SUSD4: variants seen among roughly 807,000 people sequenced by gnomAD.
The protein encoded by SUSD4 is sushi domain containing 4, also known as sushi domain-containing protein 4.
In SUSD4, 41 loss-of-function variants were observed where a neutral mutation model predicts 50.5. The observed-to-expected ratio is 0.81, with a 90% CI of 0.63 to 1.05. The LOEUF is 1.05. Ranked by LOEUF, SUSD4 falls within the 50% of genes least tolerant of loss-of-function variation. SUSD4 has a pLI of 0.00. For synonymous variants in SUSD4, 257 were observed against 257.3 expected (o/e 1.00, Z 0.01); for missense variants, 580 against 634.7 (o/e 0.91, Z 0.93).
In SUSD4 at chr1:223,232,163, G is replaced by A. The variant is rs370031810; in HGVS notation, c.725-2775C>T. 5.3e-5 allele frequency among the ~76,000 whole-genome samples: 8 copies of A among 152,144 alleles called. No homozygotes were observed. In the East Asian group the frequency reaches 9.7e-4, roughly 18 times the overall value. ...GAGCAGAACAGTGGTTACCAGGGTT[G>A]GGGAGGTAGAGGGAATCAGAAGATG... On this transcript the variant is annotated intron_variant, in intron 5 of 8. Transcript: ENST00000366878.
intron 2 of SUSD4, among the ~76,000 whole-genome samples, chr1:223,349,101 T>C (rs769645664): frequency 1.3e-5 from 2 of 152,152 alleles, no homozygotes; most frequent in Admixed American, 1.3e-4. Context: ...TCTCATAACA[T>C]GGGCCTGTTA....
At position 223,223,316 on chromosome 1, in the gene SUSD4, G is replaced by A. The variant is rs775888115; in HGVS notation, c.1377C>T (p.Asn459=). 1.9e-6 allele frequency: 3 copies of A among 1,603,066 alleles called. No individual in the cohort carries two copies. Among genetic ancestry groups the A allele is most frequent in the African/African-American group, 2.7e-5 (2 of 74,774 alleles). ...CQESTHPASD[N]PDIIASTAEE... is the part of the protein sequence containing the mutation. ...CTGCCGTGCTGGCAATTATGTCAGG[G>A]TTGTCCGAAGCAGGGTGGGTGCTCT... The change falls in exon 8 of 9, where the codon AAC becomes AAT. Residue 459 remains asparagine (N), a synonymous_variant. Coordinates refer to ENST00000366878, the MANE Select transcript of SUSD4 (RefSeq NM_017982.4).
rs555060546 is a variant in SUSD4 at position 223,229,454 on chromosome 1, A to C, written c.725-66T>G. 3.0e-4 allele frequency: 443 copies of C among 1,463,154 alleles called. No homozygotes were observed. The highest frequency in any genetic ancestry group is 7.5e-4 in the Middle Eastern group (3 of 4,018). 90.6% of individuals were successfully genotyped at this position (1,463,154 alleles called of 1,614,324 possible). A position where few individuals can be genotyped will look rare whatever the true frequency, so the allele number is the denominator to read the frequency against. ...CTCACCTTTGTCTGAAGCCCCTAAG[A>C]CGAAGAATGGCCTAGGAGAACTCAG... On this transcript the variant is annotated intron_variant, in intron 5 of 8. Transcript: ENST00000366878. The surrounding 1 kb of genome is among the most constrained non-coding windows in gnomAD (Gnocchi z 4.7).
rs1314924688 is a variant in SUSD4 at position 223,229,832 on chromosome 1, A to G, written c.725-444T>C. Among the ~76,000 whole-genome samples the G allele has an allele frequency of 3.3e-5, 5 of 152,224 alleles. No homozygotes were observed. The highest frequency in any genetic ancestry group is 7.3e-5 in the Non-Finnish European group (5 of 68,036). ...GTAGTAATTTGGGTCTATTAAAATC[A>G]CAGGGCAGTGTCCCTAACCTGATCC... On this transcript the variant is annotated intron_variant, in intron 5 of 8. Coordinates refer to ENST00000366878, the MANE Select transcript of SUSD4 (RefSeq NM_017982.4). This position sits in a 1 kb window ranked among gnomAD's most constrained non-coding sequence, Gnocchi z 4.7.
At chr1:223,324,512 C>T (rs1414552784) in intron 2 of SUSD4, among the ~76,000 whole-genome samples, 2 of 151,864 alleles carry the variant, frequency 1.3e-5, no homozygotes, top group Non-Finnish European at 2.9e-5. Flanking sequence ...TAAAACATAG[C>T]TCATAATAAT....
intron 3 of SUSD4, among the ~76,000 whole-genome samples, chr1:223,286,264 T>C (rs1664132798): frequency 1.3e-5 from 2 of 152,082 alleles, no homozygotes; most frequent in African/African-American, 4.8e-5. Context: ...TACAGACGCC[T>C]GCCACCACGC....
intron 3 of SUSD4, among the ~76,000 whole-genome samples, chr1:223,282,006 GAC>G (rs1491504544): frequency 1.3e-5 from 2 of 152,250 alleles, no homozygotes; most frequent in East Asian, 3.9e-4. Context: ...TATCTCAATA[GAC>G]ATGGAAAAGG....
rs1171350878 is a variant in SUSD4 at position 223,229,327 on chromosome 1, C to T, written c.786G>A (p.Glu262=). Residue 262 remains glutamate, a synonymous_variant, in exon 6 of 9, where the codon GAG becomes GAA. Transcript: ENST00000366878. The surrounding 1 kb of genome is among the most constrained non-coding windows in gnomAD (Gnocchi z 4.7). ...CCACCACAGTTCCGTGGTTGTAGCG[C>T]TCACAAGGCCGCGGGTGGCAGACGA... ...GDFVCHPRPC[E]RYNHGTVVEF... is the part of the protein sequence containing the mutation. The T allele has an allele frequency of 2.5e-6, 4 of 1,610,336 alleles. No individual in the cohort carries two copies. The highest frequency in any genetic ancestry group is 2.5e-6 in the Non-Finnish European group (3 of 1,177,110).
At chr1:223,302,617 C>A (rs1356481) in intron 2 of SUSD4, among the ~76,000 whole-genome samples, 7 of 151,908 alleles carry the variant, frequency 4.6e-5, no homozygotes, top group African/African-American at 7.3e-5. Context: ...TCTGAGGGCC[C>A]CCTGCCCCAA....
chr1:223,261,927 A>G (rs1453241347), intron 5 of SUSD4, among the ~76,000 whole-genome samples: 1 of 152,146 alleles, frequency 6.6e-6, no homozygotes, highest in Non-Finnish European at 1.5e-5. Flanking sequence ...CATCACCCCC[A>G]TTTTACAGAG....
chr1:223,294,087 A>C (rs1664674761), intron 2 of SUSD4, among the ~76,000 whole-genome samples: 2 of 152,210 alleles, frequency 1.3e-5, no homozygotes, highest in Admixed American at 1.3e-4. Context: ...GAAACTCCTG[A>C]GCCCTACAGA....
intron 8 of SUSD4, among the ~76,000 whole-genome samples, chr1:223,222,535 G>C (rs1481660830): frequency 6.6e-6 from 1 of 152,182 alleles, no homozygotes; most frequent in East Asian, 1.9e-4. Context: ...AGGCAGCGTG[G>C]TTTGCAGAAA....
chr1:223,235,360 T>G (rs1660149739), intron 5 of SUSD4, among the ~76,000 whole-genome samples: 1 of 152,108 alleles, frequency 6.6e-6, no homozygotes, highest in South Asian at 2.1e-4. Context: ...CATTGATACA[T>G]CATTATCACT....
chr1:223,309,860 A>G (rs1291738132), intron 2 of SUSD4, among the ~76,000 whole-genome samples: 2 of 152,182 alleles, frequency 1.3e-5, no homozygotes, highest in African/African-American at 4.8e-5. Flanking sequence ...AATCATGGAT[A>G]ATTTGGTTTC....
chr1:223,357,557 T>C (rs1343133304), intron 2 of SUSD4, among the ~76,000 whole-genome samples: 1 of 152,192 alleles, frequency 6.6e-6, no homozygotes, highest in Non-Finnish European at 1.5e-5. Context: ...GGATAAATAA[T>C]AAAATCTACT....
At chr1:223,286,916 C>T (rs1194354279) in intron 3 of SUSD4, among the ~76,000 whole-genome samples, 1 of 152,178 alleles carries the variant, frequency 6.6e-6, no homozygotes, top group Non-Finnish European at 1.5e-5. Context: ...AGCCATGTTT[C>T]CCTCCACTCC....
At chr1:223,223,668 A>C in intron 7 of SUSD4, 37 bp from the exon 8 acceptor site, 1 of 1,554,944 alleles carries the variant, frequency 6.4e-7, no homozygotes, top group Non-Finnish European at 8.7e-7. Flanking sequence ...TGTGAGAGCC[A>C]TGCCACTCTG....
intron 2 of SUSD4, among the ~76,000 whole-genome samples, chr1:223,352,014 A>G (rs1232243461): frequency 6.6e-6 from 1 of 152,196 alleles, no homozygotes; most frequent in Non-Finnish European, 1.5e-5. Context: ...CAAGATGCAC[A>G]GAAACCATGT....
At chr1:223,355,144 G>A (rs1488272509) in intron 2 of SUSD4, among the ~76,000 whole-genome samples, 5 of 150,450 alleles carry the variant, frequency 3.3e-5, no homozygotes, top group South Asian at 2.1e-4. Flanking sequence ...GCACAATCTC[G>A]GCTCACTGTA....
Sources: gnomAD v4.1 joint callset for allele counts (sites outside exome capture counted in the v4.1 genomes callset) on GRCh38, gnomAD v4.1.1 for gene constraint, Gnocchi (gnomAD v3.1) non-coding constraint, MANE v1.5 for transcripts, NCBI Gene and HGNC (gene_info 2026-07-23, HGNC 2026-07-21) for gene names.